Variants in PSD observed in about 807,000 individuals in gnomAD.
PSD encodes pleckstrin and Sec7 domain containing.
In PSD, 32 loss-of-function variants were observed where a neutral mutation model predicts 91.6. The ratio of observed to expected loss-of-function variants is 0.35; its 90% CI spans 0.26 to 0.47. The LOEUF (loss-of-function observed/expected upper bound fraction) is 0.47, where lower values mean the gene tolerates loss of function less well. PSD is among the 20% of genes least tolerant of loss of function. The pLI is 1.00. For missense variants in PSD, 1,099 were observed against 1,373.9 expected, an observed-to-expected ratio of 0.80 and a Z score of 3.16; for synonymous variants, 532 against 569.3, an observed-to-expected ratio of 0.93 and a Z score of 0.93.
intron 8 of PSD, among the ~76,000 whole-genome samples, chr10:102,411,354 C>A (rs1390698415): frequency 1.3e-5 from 2 of 152,134 alleles, no homozygotes; most frequent in East Asian, 3.9e-4. Context: ...GTTGCCCCAA[C>A]GTTCCCTTGC....
In PSD at chr10:102,414,238, A is replaced by G; in HGVS notation, c.1125-41T>C. ...GAATCTCTGATTAGGGGCCCAGATCACAGGGCTGGGGCAGGATTTCACTGA... is the reference window on the plus strand; with the variant it reads ...GAATCTCTGATTAGGGGCCCAGATCGCAGGGCTGGGGCAGGATTTCACTGA... On this transcript the variant is annotated intron_variant, in intron 4 of 16. Coordinates refer to ENST00000020673, the MANE Select transcript of PSD (RefSeq NM_002779.5). The surrounding 1 kb of genome is among the most constrained non-coding windows in gnomAD (Gnocchi z 5.6). The G allele has an allele frequency of 1.3e-6, 2 of 1,527,812 alleles. No individual in the cohort carries two copies. Among genetic ancestry groups the G allele is most frequent in the Non-Finnish European group, 1.8e-6 (2 of 1,123,358 alleles). 94.6% of individuals were successfully genotyped at this position (1,527,812 alleles called of 1,614,324 possible). A position where few individuals can be genotyped will look rare whatever the true frequency, so the allele number is the denominator to read the frequency against.
upstream of PSD, chr10:102,418,952 C>G: frequency 2.9e-6 from 1 of 343,234 alleles, no homozygotes; most frequent in South Asian, 2.1e-5. Context: ...ACCTAAGACC[C>G]GCCCCAGACA....
rs139492965 is a variant in PSD at position 102,412,545 on chromosome 10, G to A, written c.1584C>T (p.Asp528=). The part of the protein sequence containing the change: ...SEPPLSQLVS[D]SDSELDSTER... Reference sequence around the variant, plus strand: ...CTGTGCTGTCCAGCTCTGAGTCTGAGTCGGACACCAGCTGGCTCAGGGGTG... The same window carrying A: ...CTGTGCTGTCCAGCTCTGAGTCTGAATCGGACACCAGCTGGCTCAGGGGTG... Residue 528 remains aspartate (D), a synonymous_variant, in exon 6 of 17, where the codon GAC becomes GAT. Transcript: ENST00000020673. The A allele has an allele frequency of 7.4e-6, 12 of 1,613,494 alleles. No individual in the cohort carries two copies. In the Admixed American group the frequency reaches 1.2e-4, roughly 16 times the overall value.
chr10:102,404,294 G>A lies in PSD; in HGVS notation c.2700+289C>T, dbSNP rs1018794588. 6.7e-6 allele frequency among the ~76,000 whole-genome samples: 1 copy of A among 150,374 alleles called. No homozygotes were observed. Among genetic ancestry groups the A allele is most frequent in the Non-Finnish European group, 1.5e-5 (1 of 67,844 alleles). On this transcript the variant is annotated intron_variant, in intron 15 of 16. Coordinates refer to ENST00000020673, the MANE Select transcript of PSD (RefSeq NM_002779.5). The surrounding 1 kb of genome is among the most constrained non-coding windows in gnomAD (Gnocchi z 5.7). ...ACCCGGGAGGCAGAGCTTGCAGTGA[G>A]CTGAGATCGTGCCACGGCACTCCCA... is the stretch of plus-strand genomic sequence containing the variant.
At chr10:102,412,080 A>G in intron 7 of PSD, 67 bp downstream of exon 7, 1 of 1,482,884 alleles carries the variant, frequency 6.7e-7, no homozygotes, top group Non-Finnish European at 9.4e-7. Flanking sequence ...GGCTCAAAGG[A>G]GGCATCCTGG....
chr10:102,404,757 T>C lies in PSD; in HGVS notation c.2556-30A>G, dbSNP rs754289387. On this transcript the variant is annotated intron_variant, in intron 14 of 16. Transcript: ENST00000020673. The surrounding 1 kb of genome is among the most constrained non-coding windows in gnomAD (Gnocchi z 5.7). ...GGAGAAAGCACAGCCCTTTGGGACC[T>C]GGGCCCAGGGTTTCTGTCCCAGGAT... 66 of 1,556,100 alleles carry C rather than the reference T, an allele frequency of 4.2e-5. No homozygotes were observed. In the Admixed American group the frequency reaches 6.3e-4, roughly 15 times the overall value.
Position 102,403,551 on chromosome 10 carries a change from G to A in PSD, c.2845-121C>T. ...GGCAGGTGCCCACCCAGGACTGTGA[G>A]ATGGTCCCATGCGGGCTGGTGCCCC... On this transcript the variant is annotated intron_variant, in intron 16 of 16. Transcript: ENST00000020673. This position sits in a 1 kb window ranked among gnomAD's most constrained non-coding sequence, Gnocchi z 6.7. 8.0e-6 allele frequency: 8 copies of A among 1,001,996 alleles called. No individual in the cohort carries two copies. The highest frequency in any genetic ancestry group is 1.2e-5 in the Non-Finnish European group (8 of 694,742). 62.1% of individuals were successfully genotyped at this position (1,001,996 alleles called of 1,614,324 possible). A position where few individuals can be genotyped will look rare whatever the true frequency, so the allele number is the denominator to read the frequency against.
At position 102,412,701 on chromosome 10, in the gene PSD, T is replaced by C. The variant is rs957588462; in HGVS notation, c.1554-126A>G. On this transcript the variant is annotated intron_variant, in intron 5 of 16. Transcript: ENST00000020673. ...GTGGAGGGACATGGGGAAAGCATTC[T>C]TCTTTTTTCCAGGGAAGGAGATTAG... The C allele has an allele frequency of 5.0e-6, 4 of 806,128 alleles. No homozygotes were observed. The African/African-American group carries it at 6.9e-5, about 14-fold the overall frequency. The allele number at this position is 806,128 out of a possible 1,614,324, so 49.9% of individuals were successfully genotyped here.
rs1298130662 is a variant in PSD at position 102,414,184 on chromosome 10, T to A, written c.1138A>T (p.Met380Leu). The stretch of plus-strand genomic sequence containing the variant: ...AAGGGCACAGGTGACTTGAGAGGCA[T>A]CCGGCTCCCTGGCCTGCAGGGGCAG... ...ASEGARPGSR[M>L]PLKSPVPFLP... Residue 380 changes from methionine to leucine, a missense_variant, in exon 5 of 17, where the codon ATG becomes TTG. Met to Leu is a conservative substitution (Grantham distance 15). Coordinates refer to ENST00000020673, the MANE Select transcript of PSD (RefSeq NM_002779.5). This position sits in a 1 kb window ranked among gnomAD's most constrained non-coding sequence, Gnocchi z 5.6. The A allele has an allele frequency of 6.2e-7, 1 of 1,607,434 alleles. No individual in the cohort carries two copies. Among genetic ancestry groups the A allele is most frequent in the Non-Finnish European group, 8.5e-7 (1 of 1,175,694 alleles).
At chr10:102,418,060 AACACACACACACACACAC>A in intron 1 of PSD, among the ~76,000 whole-genome samples, 1 of 148,060 alleles carries the variant, frequency 6.8e-6, no homozygotes, top group South Asian at 2.2e-4. Flanking sequence ...CACACACACA[AACACACACACACACACAC>A]ACACACACAC....
Position 102,403,990 on chromosome 10 carries a change from C to T in PSD, c.2701-5G>A, listed in dbSNP as rs181250655. The stretch of plus-strand genomic sequence containing the variant: ...GTGGGTCCGCACCTGCTCCTCCTAG[C>T]GGCCAGGGGGAGGCATGGTCATGGT... On this transcript the variant is annotated splice_region_variant and splice_polypyrimidine_tract_variant and intron_variant, in intron 15 of 16. Transcript: ENST00000020673. This position sits in a 1 kb window ranked among gnomAD's most constrained non-coding sequence, Gnocchi z 6.7. The T allele has an allele frequency of 2.0e-3, 3,066 of 1,547,986 alleles. 7 individuals carry two copies. Among genetic ancestry groups the T allele is most frequent in the Non-Finnish European group, 2.5e-3 (2,872 of 1,148,706 alleles).
intron 3 of PSD, 125 bp downstream of exon 3, chr10:102,415,892 A>G (rs79931565): frequency 0.046 from 30,360 of 658,028 alleles, 907 homozygotes; most frequent in Non-Finnish European, 0.061. Context: ...GCCTGGGGAG[A>G]CATTGGCTGA....
chr10:102,404,832 A>T lies in PSD; in HGVS notation c.2555+66T>A. 6.3e-7 allele frequency: 1 copy of T among 1,583,456 alleles called. No individual in the cohort carries two copies. Among genetic ancestry groups the T allele is most frequent in the Non-Finnish European group, 8.6e-7 (1 of 1,162,842 alleles). Reference sequence around the variant, plus strand: ...TGAGAAGGAATGAAAAAATCCAGGGACAGGGAGGGGAGCAGGATGGGAGGT... The same window carrying T: ...TGAGAAGGAATGAAAAAATCCAGGGTCAGGGAGGGGAGCAGGATGGGAGGT... On this transcript the variant is annotated intron_variant, in intron 14 of 16. Transcript: ENST00000020673. This position sits in a 1 kb window ranked among gnomAD's most constrained non-coding sequence, Gnocchi z 5.7.
upstream of PSD, chr10:102,419,924 G>T: frequency 1.5e-5 from 4 of 262,128 alleles, no homozygotes; most frequent in South Asian, 1.2e-4. This position sits in a 1 kb window ranked among gnomAD's most constrained non-coding sequence, Gnocchi z 4.8. Flanking sequence ...CTCCCTTCTC[G>T]CTGCCTTGCG....
At position 102,405,593 on chromosome 10, in the gene PSD, G is replaced by T; in HGVS notation, c.2136-57C>A. The T allele has an allele frequency of 6.6e-7, 1 of 1,524,708 alleles. No homozygotes were observed. The allele number at this position is 1,524,708 out of a possible 1,614,324, so 94.4% of individuals were successfully genotyped here. A position where few individuals can be genotyped will look rare whatever the true frequency, so the allele number is the denominator to read the frequency against. On this transcript the variant is annotated intron_variant, in intron 11 of 16. Transcript: ENST00000020673. This position sits in a 1 kb window ranked among gnomAD's most constrained non-coding sequence, Gnocchi z 5.4. The stretch of plus-strand genomic sequence containing the variant: ...CCATGGAGCCGCGGCCCCCGCTTCA[G>T]TTCTGGCCTCTGCTCGCCCTGGAAA...
chr10:102,408,745 G>T, intron 10 of PSD: 36 of 269,108 alleles, frequency 1.3e-4, no homozygotes, highest in Non-Finnish European at 1.9e-4. Context: ...TGCCCTCCCT[G>T]CCCCCCCAGC....
chr10:102,403,526 G>A lies in PSD; in HGVS notation c.2845-96C>T. ...GAGGGCCGCCAGCAGGGCAGAAGAT[G>A]GCAGGTGCCCACCCAGGACTGTGAG... On this transcript the variant is annotated intron_variant, in intron 16 of 16. Transcript: ENST00000020673. The surrounding 1 kb of genome is among the most constrained non-coding windows in gnomAD (Gnocchi z 6.7). The A allele has an allele frequency of 8.3e-7, 1 of 1,203,040 alleles. No homozygotes were observed. Among genetic ancestry groups the A allele is most frequent in the Non-Finnish European group, 1.2e-6 (1 of 868,578 alleles). The allele number at this position is 1,203,040 out of a possible 1,614,324, so 74.5% of individuals were successfully genotyped here. A position where few individuals can be genotyped will look rare whatever the true frequency, so the allele number is the denominator to read the frequency against.
In PSD at chr10:102,411,730, T is replaced by C. The variant is rs1565224880; in HGVS notation, c.1919A>G (p.Asn640Ser). 1.2e-6 allele frequency: 2 copies of C among 1,613,572 alleles called. No homozygotes were observed. The highest frequency in any genetic ancestry group is 1.7e-6 in the Non-Finnish European group (2 of 1,179,792). Residue 640 changes from asparagine (N) to serine (S), a missense_variant, in exon 8 of 17, where the codon AAT becomes AGT. Asn to Ser is a conservative substitution (Grantham distance 46, BLOSUM62 1). Around this residue, in one of 3 missense-constraint regions of PSD, gnomAD observed 110 missense variants for 218.7 expected, o/e 0.50. Coordinates refer to ENST00000020673, the MANE Select transcript of PSD (RefSeq NM_002779.5). The part of the protein sequence containing the change: ...AHFSQRYFQC[N>S]PEALSSEDGA... The stretch of plus-strand genomic sequence containing the variant: ...ACCCTCTGAGGACAGGGCTTCAGGA[T>C]TGCACTGGAAGTATCGCTGGGAGAA...
Position 102,414,880 on chromosome 10 carries a change from C to T in PSD, c.1107G>A (p.Glu369=), listed in dbSNP as rs1403902870. The change falls in exon 4 of 17, where the codon GAG becomes GAA. Residue 369 remains glutamate, a synonymous_variant. Coordinates refer to ENST00000020673, the MANE Select transcript of PSD (RefSeq NM_002779.5). This position sits in a 1 kb window ranked among gnomAD's most constrained non-coding sequence, Gnocchi z 5.6. ...CCACTCACCGGGCCCCTTCAGAGGC[C>T]TCAAACACCTCGTCGTCCACATCTT... ...GEEDVDDEVF[E]ASEGARPGSR... 1 of 1,503,360 alleles carries T rather than the reference C, an allele frequency of 6.7e-7. No homozygotes were observed. Among genetic ancestry groups the T allele is most frequent in the East Asian group, 2.3e-5 (1 of 43,680 alleles). 93.1% of individuals were successfully genotyped at this position (1,503,360 alleles called of 1,614,324 possible). A position where few individuals can be genotyped will look rare whatever the true frequency, so the allele number is the denominator to read the frequency against.
Sources: gnomAD v4.1 joint callset for allele counts (sites outside exome capture counted in the v4.1 genomes callset) on GRCh38, gnomAD v4.1.1 for gene constraint, gnomAD v4.1.1 regional missense constraint, Gnocchi (gnomAD v3.1) non-coding constraint, MANE v1.5 for transcripts, NCBI Gene and HGNC (gene_info 2026-07-23, HGNC 2026-07-21) for gene names.